Variants in MDFIC observed in about 807,000 individuals in gnomAD.
MDFIC encodes the protein myoD family inhibitor domain-containing protein.
In MDFIC, 17 loss-of-function variants were observed where a neutral mutation model predicts 23.2. The ratio of observed to expected loss-of-function variants is 0.73; its 90% CI spans 0.50 to 1.10. The LOEUF (loss-of-function observed/expected upper bound fraction) is 1.10, where lower values mean the gene tolerates loss of function less well. MDFIC is among the 50% of genes least tolerant of loss of function. MDFIC has a pLI of 0.00. For synonymous variants in MDFIC, 120 were observed against 115.2 expected (o/e 1.04, Z -0.27); for missense variants, 356 against 316.6 (o/e 1.12, Z -0.95).
chr7:115,008,946 A>G (rs1441872925), intron 4 of MDFIC, among the ~76,000 whole-genome samples: 1 of 152,248 alleles, frequency 6.6e-6, no homozygotes, highest in Non-Finnish European at 1.5e-5. Flanking sequence ...TAGTCGTAGC[A>G]GCTAAAGAAT....
chr7:115,016,601 C>T lies in MDFIC; in HGVS notation c.*666C>T, dbSNP rs1021403724. 1 of 155,434 alleles carries T rather than the reference C, an allele frequency of 6.4e-6. No homozygotes were observed. The highest frequency in any genetic ancestry group is 1.9e-4 in the East Asian group (1 of 5,346). 9.6% of individuals were successfully genotyped at this position (155,434 alleles called of 1,614,324 possible). ...TGAGCCGAGATTGTGCCACTGAACT[C>T]CAACCTGCACTCCAGCCTGGGCAAC... On this transcript the variant is annotated 3_prime_UTR_variant, in exon 5 of 5. Transcript: ENST00000393486.
Position 115,017,874 on chromosome 7 carries a change from G to T in MDFIC, c.*1939G>T, listed in dbSNP as rs1025971898. The T allele has an allele frequency of 6.6e-6, 1 of 151,928 alleles. No individual in the cohort carries two copies. Among genetic ancestry groups the T allele is most frequent in the Non-Finnish European group, 1.5e-5 (1 of 67,880 alleles). The allele number at this position is 151,928 out of a possible 1,614,324, so 9.4% of individuals were successfully genotyped here. A position where few individuals can be genotyped will look rare whatever the true frequency, so the allele number is the denominator to read the frequency against. Reference sequence around the variant, plus strand: ...GAAGCATAATTTTAGGAAGGCTTTCGCAAACCTAGCCTTTTAAGAGAGGTT... The same window carrying T: ...GAAGCATAATTTTAGGAAGGCTTTCTCAAACCTAGCCTTTTAAGAGAGGTT... On this transcript the variant is annotated 3_prime_UTR_variant, in exon 5 of 5. Coordinates refer to ENST00000393486, the MANE Select transcript of MDFIC (RefSeq NM_001166345.3).
intron 4 of MDFIC, among the ~76,000 whole-genome samples, chr7:114,994,677 C>G (rs1791281101): frequency 6.6e-6 from 1 of 152,234 alleles, no homozygotes; most frequent in South Asian, 2.1e-4. Flanking sequence ...GAACATTGCC[C>G]CCCACTCTCT....
At chr7:114,935,279 C>A (rs1484645575) in intron 2 of MDFIC, among the ~76,000 whole-genome samples, 1 of 151,954 alleles carries the variant, frequency 6.6e-6, no homozygotes, top group African/African-American at 2.4e-5. Context: ...ACATAATATG[C>A]AGATTATAAA....
At chr7:114,994,434 C>A (rs1338178691) in intron 4 of MDFIC, among the ~76,000 whole-genome samples, 3 of 152,130 alleles carry the variant, frequency 2.0e-5, no homozygotes, top group Non-Finnish European at 4.4e-5. Flanking sequence ...GATGCAGTTT[C>A]TTCCTACCAT....
chr7:114,984,639 C>T (rs184847425), intron 4 of MDFIC, among the ~76,000 whole-genome samples: 1 of 152,186 alleles, frequency 6.6e-6, no homozygotes, highest in Admixed American at 6.5e-5. Context: ...TTGCATCACC[C>T]AGGTGGAGAG....
chr7:114,997,520 C>T (rs534173295), intron 4 of MDFIC, among the ~76,000 whole-genome samples: 5 of 148,974 alleles, frequency 3.4e-5, no homozygotes, highest in South Asian at 4.3e-4. Context: ...GAGGCCAAGG[C>T]GGGAGAATGG....
At chr7:114,985,909 T>C (rs549262006) in intron 4 of MDFIC, among the ~76,000 whole-genome samples, 1 of 152,214 alleles carries the variant, frequency 6.6e-6, no homozygotes, top group Non-Finnish European at 1.5e-5. Flanking sequence ...TGTGTTTTCT[T>C]TTCTCTCTGT....
At chr7:114,995,620 T>G (rs1454807410) in intron 4 of MDFIC, among the ~76,000 whole-genome samples, 2 of 152,228 alleles carry the variant, frequency 1.3e-5, no homozygotes, top group Non-Finnish European at 2.9e-5. Context: ...CTCCAGACCC[T>G]GTTTGCCTGG....
rs1791804442 is a variant in MDFIC, at chr7:115,016,761, C to G, written c.*826C>G. 1 of 152,654 alleles carries G rather than the reference C, an allele frequency of 6.6e-6. No individual in the cohort carries two copies. The highest frequency in any genetic ancestry group is 1.5e-5 in the Non-Finnish European group (1 of 68,524). 9.5% of individuals were successfully genotyped at this position (152,654 alleles called of 1,614,324 possible). A position where few individuals can be genotyped will look rare whatever the true frequency, so the allele number is the denominator to read the frequency against. On this transcript the variant is annotated 3_prime_UTR_variant, in exon 5 of 5. Coordinates refer to ENST00000393486, the MANE Select transcript of MDFIC (RefSeq NM_001166345.3). ...AATAGTTGGGAACCAGTGTTGATCT[C>G]TCTCCCTTACCTTCTCCACTTGTTC...
chr7:114,979,869 G>A (rs139850413), intron 4 of MDFIC, 88 bp downstream of exon 4: 15 of 1,455,950 alleles, frequency 1.0e-5, no homozygotes, highest in Admixed American at 1.8e-5. Flanking sequence ...TATAATTGAA[G>A]AATCTTGCTT....
intron 2 of MDFIC, among the ~76,000 whole-genome samples, chr7:114,933,190 T>G (rs1204457039): frequency 6.6e-6 from 1 of 151,906 alleles, no homozygotes; most frequent in Non-Finnish European, 1.5e-5. Context: ...GTTATCATGC[T>G]GAAAGACTAA....
chr7:114,947,255 C>T (rs758250239), intron 3 of MDFIC, among the ~76,000 whole-genome samples: 5 of 152,098 alleles, frequency 3.3e-5, no homozygotes, highest in Admixed American at 1.3e-4. Flanking sequence ...TTTTTGGGGG[C>T]ACATATTGGA....
chr7:115,004,363 C>T (rs1243404606), intron 4 of MDFIC, among the ~76,000 whole-genome samples: 1 of 152,168 alleles, frequency 6.6e-6, no homozygotes, highest in Non-Finnish European at 1.5e-5. Context: ...AATCCCAGCA[C>T]TTAGCCTGGC....
At position 115,016,123 on chromosome 7, in the gene MDFIC, A is replaced by G. The variant is rs1258857391; in HGVS notation, c.*188A>G. The G allele has an allele frequency of 2.6e-5, 15 of 567,350 alleles. No individual in the cohort carries two copies. Among genetic ancestry groups the G allele is most frequent in the Middle Eastern group, 4.7e-4 (1 of 2,110 alleles). The allele number at this position is 567,350 out of a possible 1,614,324, so 35.1% of individuals were successfully genotyped here. A position where few individuals can be genotyped will look rare whatever the true frequency, so the allele number is the denominator to read the frequency against. ...ACATGGTTTAATATGTGAAATTTTA[A>G]CTACTTTAACTAGTTTTATAAATTT... On this transcript the variant is annotated 3_prime_UTR_variant, in exon 5 of 5. Transcript: ENST00000393486.
chr7:114,928,649 G>T (rs1362516930), intron 2 of MDFIC, among the ~76,000 whole-genome samples: 3 of 152,170 alleles, frequency 2.0e-5, no homozygotes, highest in Admixed American at 1.3e-4. Flanking sequence ...TTTCAGGAGG[G>T]CCCTGATTCT....
chr7:114,951,393 T>G (rs1792765807), intron 3 of MDFIC, among the ~76,000 whole-genome samples: 1 of 152,162 alleles, frequency 6.6e-6, no homozygotes, highest in South Asian at 2.1e-4. Context: ...TACTGTAAGA[T>G]TCCAAAGAGT....
chr7:114,932,762 G>C (rs1244735894), intron 2 of MDFIC, among the ~76,000 whole-genome samples: 1 of 152,170 alleles, frequency 6.6e-6, no homozygotes, highest in Admixed American at 6.5e-5. Flanking sequence ...TTGAGAGGCT[G>C]AGTTAGTGAA....
chr7:114,983,334 T>A (rs1793450514), intron 4 of MDFIC, among the ~76,000 whole-genome samples: 3 of 152,090 alleles, frequency 2.0e-5, no homozygotes, highest in Non-Finnish European at 2.9e-5. Context: ...TTGGTTCAGA[T>A]AATGGAATAA....
Sources: gnomAD v4.1 joint callset for allele counts (sites outside exome capture counted in the v4.1 genomes callset) on GRCh38, gnomAD v4.1.1 for gene constraint, MANE v1.5 for transcripts, NCBI Gene and HGNC (gene_info 2026-07-23, HGNC 2026-07-21) for gene names.